DPYD: variants seen among roughly 807,000 people sequenced by gnomAD.
DPYD encodes the protein dihydropyrimidine dehydrogenase [NADP(+)].
DPYD carries 109 observed loss-of-function variants against 116.2 expected under a neutral mutation model. The ratio of observed to expected loss-of-function variants is 0.94; its 90% CI spans 0.80 to 1.10. DPYD has a LOEUF of 1.10. Among genes scored for constraint, DPYD ranks in the 50% least tolerant of loss-of-function variants. The pLI is 0.00. For synonymous variants in DPYD, 440 were observed against 432.0 expected (o/e 1.02, Z -0.23); for missense variants, 1,302 against 1,254.5 (o/e 1.04, Z -0.57).
intron 18 of DPYD, among the ~76,000 whole-genome samples, chr1:97,247,425 T>C (rs1662792629): frequency 1.3e-5 from 2 of 152,120 alleles, no homozygotes; most frequent in East Asian, 3.9e-4. Flanking sequence ...TTGCCAAAAA[T>C]GGGAAGCTAG....
intron 2 of DPYD, among the ~76,000 whole-genome samples, chr1:97,829,500 TTCCC>T: frequency 6.6e-6 from 1 of 152,154 alleles, no homozygotes; most frequent in Non-Finnish European, 1.5e-5. Context: ...CTGTCTTATC[TTCCC>T]ACATTTTTAG....
intron 3 of DPYD, among the ~76,000 whole-genome samples, chr1:97,786,760 T>G (rs188904009): frequency 2.4e-4 from 36 of 152,344 alleles, no homozygotes; most frequent in East Asian, 1.4e-3. Flanking sequence ...TTATGTTATC[T>G]TGGCAACAAG....
At chr1:97,362,463 A>T (rs533672881) in intron 16 of DPYD, among the ~76,000 whole-genome samples, 11 of 152,210 alleles carry the variant, frequency 7.2e-5, no homozygotes, top group Non-Finnish European at 1.3e-4. Context: ...TTTAAAGTTC[A>T]TATGGAATCA....
At chr1:97,765,964 C>T (rs1665828685) in intron 3 of DPYD, among the ~76,000 whole-genome samples, 1 of 152,134 alleles carries the variant, frequency 6.6e-6, no homozygotes, top group South Asian at 2.1e-4. Flanking sequence ...ACTGTTGTGG[C>T]CAGGTGCGGT....
chr1:97,171,249 G>A (rs970538791), intron 20 of DPYD, among the ~76,000 whole-genome samples: 1 of 152,140 alleles, frequency 6.6e-6, no homozygotes, highest in Non-Finnish European at 1.5e-5. Context: ...AAAGGTTGAG[G>A]AAAGAAGGTG....
intron 11 of DPYD, among the ~76,000 whole-genome samples, chr1:97,560,838 T>A (rs952443658): frequency 5.9e-5 from 9 of 152,098 alleles, no homozygotes; most frequent in African/African-American, 1.9e-4. Flanking sequence ...GCCTCTTTGA[T>A]GAGATGCCAT....
intron 3 of DPYD, among the ~76,000 whole-genome samples, chr1:97,765,848 C>T (rs1665821429): frequency 6.6e-6 from 1 of 152,128 alleles, no homozygotes; most frequent in African/African-American, 2.4e-5. Context: ...ATAATTGATG[C>T]AAAAGCTAAA....
At chr1:97,545,451 C>T (rs1002802807) in intron 12 of DPYD, among the ~76,000 whole-genome samples, 1 of 151,920 alleles carries the variant, frequency 6.6e-6, no homozygotes, top group Non-Finnish European at 1.5e-5. Context: ...AGGTTTGAAC[C>T]TGGAAATAAA....
intron 13 of DPYD, among the ~76,000 whole-genome samples, chr1:97,458,229 A>G (rs79807948): frequency 0.043 from 6,525 of 152,246 alleles, 178 homozygotes; most frequent in East Asian, 0.1. Context: ...TACTTTTAAG[A>G]AAACTTGTGT....
At chr1:97,103,610 C>CA (rs1650916795) in intron 20 of DPYD, among the ~76,000 whole-genome samples, 1 of 152,032 alleles carries the variant, frequency 6.6e-6, no homozygotes, top group African/African-American at 2.4e-5. Flanking sequence ...TGGTCAAAAG[C>CA]AGAGATAGTT....
At chr1:97,617,960 T>C (rs938837288) in intron 8 of DPYD, among the ~76,000 whole-genome samples, 1 of 152,194 alleles carries the variant, frequency 6.6e-6, no homozygotes, top group Non-Finnish European at 1.5e-5. Flanking sequence ...AGTTTGCCAC[T>C]TGGGTCCCCA....
intron 3 of DPYD, among the ~76,000 whole-genome samples, chr1:97,744,310 C>T (rs1557927194): frequency 6.6e-6 from 1 of 152,014 alleles, no homozygotes; most frequent in South Asian, 2.1e-4. Flanking sequence ...GCATTTCATT[C>T]TTCACACATC....
At chr1:97,476,557 A>G (rs540462138) in intron 13 of DPYD, among the ~76,000 whole-genome samples, 1 of 152,292 alleles carries the variant, frequency 6.6e-6, no homozygotes, top group Non-Finnish European at 1.5e-5. Context: ...ATCTTTGTGA[A>G]CTGTTAGTAG....
chr1:97,683,696 C>T (rs1279837215), intron 7 of DPYD, among the ~76,000 whole-genome samples: 1 of 151,758 alleles, frequency 6.6e-6, no homozygotes, highest in South Asian at 2.1e-4. Flanking sequence ...AAGGGAATAC[C>T]CAATTTTATT....
chr1:97,677,149 G>C (rs1028444822), intron 8 of DPYD, among the ~76,000 whole-genome samples: 8 of 152,150 alleles, frequency 5.3e-5, no homozygotes, highest in Non-Finnish European at 8.8e-5. Flanking sequence ...TAACTACTCA[G>C]AGTGATAAAC....
chr1:97,261,674 T>C (rs1047738084), intron 18 of DPYD, among the ~76,000 whole-genome samples: 2 of 151,984 alleles, frequency 1.3e-5, no homozygotes, highest in Non-Finnish European at 2.9e-5. Context: ...AGTTAAGAGA[T>C]AAAACTGTGT....
At chr1:97,913,641 T>G (rs1674075183) in intron 1 of DPYD, among the ~76,000 whole-genome samples, 1 of 152,190 alleles carries the variant, frequency 6.6e-6, no homozygotes, top group South Asian at 2.1e-4. Flanking sequence ...TGGTAATGTT[T>G]CTATAAATTT....
At chr1:97,328,397 T>C (rs1002345586) in intron 16 of DPYD, among the ~76,000 whole-genome samples, 1 of 152,242 alleles carries the variant, frequency 6.6e-6, no homozygotes, top group East Asian at 1.9e-4. Context: ...CTATATAGTA[T>C]GTTAGGAAAG....
At position 97,649,170 on chromosome 1, in the gene DPYD, T is replaced by C. The variant is rs1466787290; in HGVS notation, c.850+29925A>G. On this transcript the variant is annotated intron_variant, in intron 8 of 22. Coordinates refer to ENST00000370192, the MANE Select transcript of DPYD (RefSeq NM_000110.4). ...TGTTTGCCTACATATTGCAGTGTAA[T>C]TGAGGAAGCAATTTTTAGTCTTTAA... Among the ~76,000 whole-genome samples the C allele has an allele frequency of 2.6e-5, 4 of 152,044 alleles. No individual in the cohort carries two copies. The East Asian group carries it at 7.7e-4, about 29-fold the overall frequency.
Sources: allele counts gnomAD v4.1 joint callset (sites outside exome capture counted in the v4.1 genomes callset), GRCh38; gene constraint gnomAD v4.1.1; transcripts MANE v1.5; gene names NCBI Gene and HGNC (gene_info 2026-07-23, HGNC 2026-07-21).